Variants in TIAM1 observed in about 807,000 individuals in gnomAD.
TIAM1 encodes the protein TIAM Rac1 associated GEF 1, also known as rho guanine nucleotide exchange factor TIAM1.
In TIAM1, 65 loss-of-function variants were observed where a neutral mutation model predicts 163.5. The ratio of observed to expected loss-of-function variants is 0.40; its 90% confidence interval spans 0.33 to 0.49. The LOEUF (loss-of-function observed/expected upper bound fraction) is 0.49, where lower values mean the gene tolerates loss of function less well. Among genes scored for constraint, TIAM1 ranks in the 20% least tolerant of loss-of-function variants. The probability of loss-of-function intolerance (pLI) is 0.77; values close to 1 mark genes in which losing one functional copy is unlikely to be tolerated. For synonymous variants in TIAM1, 833 were observed against 810.1 expected (o/e 1.03, Z -0.48); for missense variants, 1,789 against 2,044.7 (o/e 0.87, Z 2.41).
At chr21:31,473,641 AG>A (rs2045835705) in intron 1 of TIAM1, among the ~76,000 whole-genome samples, 3 of 151,910 alleles carry the variant, frequency 2.0e-5, no homozygotes, top group Non-Finnish European at 4.4e-5. Context: ...AACCTTTAGC[AG>A]GGGCACACAA....
At chr21:31,416,171 C>A (rs2043364674) in intron 2 of TIAM1, among the ~76,000 whole-genome samples, 1 of 152,144 alleles carries the variant, frequency 6.6e-6, no homozygotes, top group Admixed American at 6.5e-5. Context: ...ATATACCAGC[C>A]CCATAGGACA....
intron 1 of TIAM1, among the ~76,000 whole-genome samples, chr21:31,527,683 C>G (rs2047832395): frequency 6.6e-6 from 1 of 152,042 alleles, no homozygotes; most frequent in Admixed American, 6.6e-5. Context: ...CAGCCACCTG[C>G]CCCACCCCAT....
chr21:31,487,861 T>G (rs922360700), intron 1 of TIAM1, among the ~76,000 whole-genome samples: 1 of 151,668 alleles, frequency 6.6e-6, no homozygotes, highest in African/African-American at 2.4e-5. Flanking sequence ...CCGGCCTTTT[T>G]TTGTATTTTT....
chr21:31,500,309 C>A (rs2046809433), intron 1 of TIAM1, among the ~76,000 whole-genome samples: 2 of 152,198 alleles, frequency 1.3e-5, no homozygotes, highest in East Asian at 3.9e-4. Context: ...GGGTCAGCTA[C>A]TTCACTCCTG....
At chr21:31,310,826 A>G (rs2074896733) in intron 2 of TIAM1, among the ~76,000 whole-genome samples, 1 of 152,212 alleles carries the variant, frequency 6.6e-6, no homozygotes, top group Non-Finnish European at 1.5e-5. Flanking sequence ...GAGAAGAAGG[A>G]TGGCACTAAC....
At chr21:31,499,621 G>A (rs1310533612) in intron 1 of TIAM1, among the ~76,000 whole-genome samples, 2 of 152,134 alleles carry the variant, frequency 1.3e-5, no homozygotes, top group East Asian at 1.9e-4. Flanking sequence ...GGAGGCCGAG[G>A]AAGACGGATA....
chr21:31,557,957 C>G (rs1023857145), intron 1 of TIAM1, among the ~76,000 whole-genome samples: 27 of 152,060 alleles, frequency 1.8e-4, no homozygotes, highest in Non-Finnish European at 3.5e-4. Flanking sequence ...GGGGGCTGGG[C>G]GCGAAGGCGC....
In TIAM1 at chr21:31,285,951, T is replaced by G. The variant is rs1000928962; in HGVS notation, c.-188-9043A>C. Among the ~76,000 whole-genome samples the G allele has an allele frequency of 2.0e-5, 3 of 152,130 alleles. No homozygotes were observed. In the East Asian group the frequency reaches 5.8e-4, roughly 29 times the overall value. On this transcript the variant is annotated intron_variant, in intron 2 of 27. Transcript: ENST00000541036. ...GAGAAAGCTTTTAAGGCTATGACAT[T>G]GTAAGTGGAGAGGAAGAAAGAGAAT...
chr21:31,341,316 CA>C (rs1314233992), intron 1 of TIAM1, among the ~76,000 whole-genome samples: 2 of 152,146 alleles, frequency 1.3e-5, no homozygotes, highest in Non-Finnish European at 2.9e-5. Context: ...GCCACACAGT[CA>C]AAAGGGGCAG....
In TIAM1 at chr21:31,124,548, C is replaced by A; in HGVS notation, c.4280G>T (p.Gly1427Val). The change falls in exon 27 of 28, where the codon GGG becomes GTG. Residue 1427 changes from glycine (G) to valine (V), a missense_variant. Physicochemically the swap from Gly to Val is moderately radical, Grantham distance 109 (BLOSUM62 -3). Transcript: ENST00000541036. ...FGGKRLCALKGARPAMSRAVS... is the reference protein window; with the variant it reads ...FGGKRLCALKVARPAMSRAVS... Reference sequence around the variant, plus strand: ...TGCCCTGCTCATGGCCGGCCTGGCCCCCTTCAGTGCACACAATCTTTTGCC... The same window carrying A: ...TGCCCTGCTCATGGCCGGCCTGGCCACCTTCAGTGCACACAATCTTTTGCC... 3.1e-6 allele frequency: 5 copies of A among 1,613,552 alleles called. No individual in the cohort carries two copies. Among genetic ancestry groups the A allele is most frequent in the Non-Finnish European group, 4.2e-6 (5 of 1,179,988 alleles).
chr21:31,413,040 T>C (rs933757356), intron 2 of TIAM1, among the ~76,000 whole-genome samples: 4 of 152,090 alleles, frequency 2.6e-5, no homozygotes, highest in African/African-American at 9.7e-5. Flanking sequence ...TTCACCACTA[T>C]GCTGCAATCT....
chr21:31,161,312 AAG>A (rs1010583592), intron 16 of TIAM1, among the ~76,000 whole-genome samples: 1 of 152,178 alleles, frequency 6.6e-6, no homozygotes, highest in African/African-American at 2.4e-5. Flanking sequence ...CTCCAGAAAC[AAG>A]AGTTTTCAAT....
chr21:31,162,679 TCTCCCAGG>T (rs1468418312), intron 16 of TIAM1, among the ~76,000 whole-genome samples: 1 of 150,690 alleles, frequency 6.6e-6, no homozygotes, highest in Non-Finnish European at 1.5e-5. Flanking sequence ...TCCCACACTG[TCTCCCAGG>T]CTGGAGTGCA....
chr21:31,182,412 C>T lies in TIAM1; in HGVS notation c.2887+9G>A. ...TCAGACTCGCCCCCAGCACCCTGCA[C>T]AGCCATACCTGGGTTGCTGGTGAGA... is the stretch of plus-strand genomic sequence containing the variant. On this transcript the variant is annotated intron_variant, in intron 15 of 27. Transcript: ENST00000541036. 6.5e-7 allele frequency: 1 copy of T among 1,541,708 alleles called. No individual in the cohort carries two copies. The highest frequency in any genetic ancestry group is 8.7e-7 in the Non-Finnish European group (1 of 1,147,018).
At chr21:31,239,000 AG>A (rs1000820423) in intron 6 of TIAM1, among the ~76,000 whole-genome samples, 6 of 152,178 alleles carry the variant, frequency 3.9e-5, no homozygotes, top group Admixed American at 3.9e-4. Context: ...GTATACAATA[AG>A]GGCTAAGTAA....
Position 31,486,680 on chromosome 21 carries a change from G to A in TIAM1, c.-421-22645C>T, listed in dbSNP as rs536594585. 6.6e-5 allele frequency among the ~76,000 whole-genome samples: 10 copies of A among 152,330 alleles called. No individual in the cohort carries two copies. The East Asian group carries it at 1.4e-3, about 21-fold the overall frequency. On this transcript the variant is annotated intron_variant, in intron 1 of 28. Coordinates refer to the TIAM1 transcript ENST00000286827. The stretch of plus-strand genomic sequence containing the variant: ...CTGCATCCGTCCTCTCCACTGAGGA[G>A]GGGAACAGGCTGGGCCATCCTTCCT...
intron 5 of TIAM1, among the ~76,000 whole-genome samples, chr21:31,250,994 G>T (rs571491298): frequency 6.6e-6 from 1 of 152,282 alleles, no homozygotes; most frequent in South Asian, 2.1e-4. Context: ...TCATAAACAT[G>T]ATGGTCTATA....
rs556096873 is a variant in TIAM1 at position 31,421,906 on chromosome 21, C to T, written c.-369+42077G>A. 1.6e-3 allele frequency among the ~76,000 whole-genome samples: 246 copies of T among 152,276 alleles called. 1 individual carries two copies. Among genetic ancestry groups the T allele is most frequent in the Non-Finnish European group, 3.0e-3 (201 of 68,038 alleles). ...TCGCGAGGCTGAAGCAGGAGGATCT[C>T]TTGAGCCCAGGAGGTCGAGACTGCA... On this transcript the variant is annotated intron_variant, in intron 2 of 28. Coordinates refer to the TIAM1 transcript ENST00000286827.
intron 1 of TIAM1, among the ~76,000 whole-genome samples, chr21:31,504,955 T>C (rs139738936): frequency 3.0e-4 from 46 of 152,258 alleles, no homozygotes; most frequent in Admixed American, 2.4e-3. Flanking sequence ...TTAAAGAAAT[T>C]AGCAAGTACC....
Sources: allele counts gnomAD v4.1 joint callset (sites outside exome capture counted in the v4.1 genomes callset), GRCh38; gene constraint gnomAD v4.1.1; transcripts MANE v1.5; gene names NCBI Gene and HGNC (gene_info 2026-07-23, HGNC 2026-07-21).